Variants in VPS36 observed in about 807,000 individuals in gnomAD.
The protein encoded by VPS36 is vacuolar protein-sorting-associated protein 36.
VPS36 carries 31 observed loss-of-function variants against 63.5 expected under a neutral mutation model. The ratio of observed to expected loss-of-function variants is 0.49; its 90% CI spans 0.37 to 0.66. VPS36 has a LOEUF of 0.66. Among genes scored for constraint, VPS36 ranks in the 30% least tolerant of loss-of-function variants. The pLI is 0.00. For synonymous variants in VPS36, 138 were observed against 157.2 expected (o/e 0.88, Z 0.91); for missense variants, 338 against 463.7 (o/e 0.73, Z 2.49).
In VPS36 at chr13:52,419,291, C is replaced by A. The variant is rs141607730; in HGVS notation, c.841-1235G>T. On this transcript the variant is annotated intron_variant, in intron 10 of 13. Coordinates refer to ENST00000378060, the MANE Select transcript of VPS36 (RefSeq NM_016075.4). ...GCTGAAGAATAGCCACTGCTGATACCCAGCCAAAGGGGCAGGGCAGCTTTC... is the reference window on the plus strand; with the variant it reads ...GCTGAAGAATAGCCACTGCTGATACACAGCCAAAGGGGCAGGGCAGCTTTC... Among the ~76,000 whole-genome samples the A allele has an allele frequency of 7.4e-3, 1,123 of 152,310 alleles. 6 individuals are homozygous for A. Among genetic ancestry groups the A allele is most frequent in the African/African-American group, 0.017 (699 of 41,564 alleles).
At chr13:52,441,751 CA>C (rs1253607135) in intron 2 of VPS36, among the ~76,000 whole-genome samples, 12 of 150,482 alleles carry the variant, frequency 8.0e-5, no homozygotes, top group African/African-American at 2.9e-4. Flanking sequence ...GACTCCATCT[CA>C]AAAAAAAGGG....
intron 6 of VPS36, among the ~76,000 whole-genome samples, chr13:52,427,424 T>C (rs1242337691): frequency 1.3e-5 from 2 of 152,038 alleles, no homozygotes; most frequent in Admixed American, 6.6e-5. Context: ...GCTAACACGG[T>C]GAAACCCCGT....
chr13:52,444,025 G>GA (rs1958308701), intron 1 of VPS36, among the ~76,000 whole-genome samples: 1 of 152,000 alleles, frequency 6.6e-6, no homozygotes, highest in African/African-American at 2.4e-5. Flanking sequence ...TAATAAAAAA[G>GA]AAAAACAACA....
At chr13:52,449,893 T>C in intron 1 of VPS36, 8 of 983,676 alleles carry the variant, frequency 8.1e-6, no homozygotes, top group Non-Finnish European at 9.7e-6. Flanking sequence ...AAAAACCCAA[T>C]AGCCTTTGGC....
rs1241810642 is a variant in VPS36, at chr13:52,412,703, A to C, written c.*3127T>G. The C allele has an allele frequency of 6.6e-6, 1 of 152,362 alleles. No homozygotes were observed. The highest frequency in any genetic ancestry group is 1.9e-4 in the East Asian group (1 of 5,184). 9.4% of individuals were successfully genotyped at this position (152,362 alleles called of 1,614,324 possible). A position where few individuals can be genotyped will look rare whatever the true frequency, so the allele number is the denominator to read the frequency against. On this transcript the variant is annotated 3_prime_UTR_variant, in exon 14 of 14. Coordinates refer to ENST00000378060, the MANE Select transcript of VPS36 (RefSeq NM_016075.4). ...TAAATAGGAATATAGGTAGGAGTTC[A>C]TTCATTCAGTAAATATTTATTGAAT...
chr13:52,432,419 A>C lies in VPS36; in HGVS notation c.528+1243T>G, dbSNP rs114937110. Among the ~76,000 whole-genome samples the C allele has an allele frequency of 7.4e-3, 1,125 of 152,346 alleles. 6 individuals are homozygous for C. Among genetic ancestry groups the C allele is most frequent in the African/African-American group, 0.017 (701 of 41,584 alleles). ...TAGTCATCGTCAAAAGATAATAAGG[A>C]AACAATTTATTACCCTGATGATAAA... On this transcript the variant is annotated intron_variant, in intron 6 of 13. Coordinates refer to ENST00000378060, the MANE Select transcript of VPS36 (RefSeq NM_016075.4).
At chr13:52,430,556 C>T (rs572997027) in intron 6 of VPS36, among the ~76,000 whole-genome samples, 43 of 151,676 alleles carry the variant, frequency 2.8e-4, no homozygotes, top group African/African-American at 1.0e-3. Flanking sequence ...TGCTTGAACC[C>T]GGGAGGCAGA....
At chr13:52,434,227 G>A (rs1958190245) in intron 5 of VPS36, among the ~76,000 whole-genome samples, 4 of 152,178 alleles carry the variant, frequency 2.6e-5, no homozygotes, top group Admixed American at 6.5e-5. Context: ...ATGTCACACT[G>A]ATTATGAAGA....
intron 4 of VPS36, 36 bp downstream of exon 4, chr13:52,436,254 C>CACA (rs769081362): frequency 7.2e-4 from 968 of 1,345,644 alleles, no homozygotes; most frequent in Admixed American, 8.2e-4. Flanking sequence ...CACACACACA[C>CACA]CTTTCTAGTA....
At chr13:52,437,861 C>T (rs369197111) in intron 3 of VPS36, among the ~76,000 whole-genome samples, 1 of 151,540 alleles carries the variant, frequency 6.6e-6, no homozygotes, top group African/African-American at 2.4e-5. Flanking sequence ...ACCTGGGAGG[C>T]GGAGCTTGCA....
At chr13:52,425,116 G>T (rs1371970613) in intron 9 of VPS36, among the ~76,000 whole-genome samples, 2 of 151,710 alleles carry the variant, frequency 1.3e-5, no homozygotes, top group East Asian at 3.9e-4. Flanking sequence ...GGCGCAGTGG[G>T]GTGGCAGGCA....
At chr13:52,419,146 C>T (rs1594112116) in intron 10 of VPS36, among the ~76,000 whole-genome samples, 1 of 152,284 alleles carries the variant, frequency 6.6e-6, no homozygotes, top group African/African-American at 2.4e-5. Context: ...AAACACAGAG[C>T]AGGGGCTTAA....
Position 52,442,407 on chromosome 13 carries a change from G to C in VPS36, c.135C>G (p.His45Gln), listed in dbSNP as rs772613576. Residue 45 changes from histidine to glutamine, a missense_variant, in exon 2 of 14, where the codon CAC (histidine) becomes CAG (glutamine). His to Gln is a conservative substitution (Grantham distance 24, BLOSUM62 0). Transcript: ENST00000378060. ...TTTTCTGATCTCTCCAAATCAGTCGGTGTGTACTAAGAAGGAGAGTCCCAG... is the reference window on the plus strand; with the variant it reads ...TTTTCTGATCTCTCCAAATCAGTCGCTGTGTACTAAGAAGGAGAGTCCCAG... ...FDAGTLLLSTHRLIWRDQKNH... is the reference protein window; with the variant it reads ...FDAGTLLLSTQRLIWRDQKNH... 5 of 1,612,344 alleles carry C rather than the reference G, an allele frequency of 3.1e-6. No homozygotes were observed. In the South Asian group the frequency reaches 5.5e-5, roughly 18 times the overall value.
rs34529458 is a variant in VPS36, at chr13:52,445,939, C to CAAAA, written c.97-3498_97-3495dup. Reference sequence around the variant, plus strand: ...TGGGCGACAGAGAAAGACTCTATCTCAAAAAAAAAAAAAAAAAAAAAAAAA... The same window carrying CAAAA: ...TGGGCGACAGAGAAAGACTCTATCTCAAAAAAAAAAAAAAAAAAAAAAAAAAAAA... On this transcript the variant is annotated intron_variant, in intron 1 of 13. Coordinates refer to ENST00000378060, the MANE Select transcript of VPS36 (RefSeq NM_016075.4). Among the ~76,000 whole-genome samples, 15 of 15,364 alleles carry CAAAA rather than the reference C, an allele frequency of 9.8e-4. 3 individuals are homozygous for CAAAA. The highest frequency in any genetic ancestry group is 4.1e-3 in the Admixed American group (3 of 740). 10.1% of individuals were successfully genotyped at this position (15,364 alleles called of 152,430 possible).
rs189569944 is a variant in VPS36 at position 52,427,131 on chromosome 13, A to C, written c.561+56T>G. ...CCCAAAATGTCTGCTAACAAAATAT[A>C]TTTCAAAAACTGTATCATAATTGGT... On this transcript the variant is annotated intron_variant, in intron 7 of 13. Transcript: ENST00000378060. The C allele has an allele frequency of 8.2e-3, 13,222 of 1,605,646 alleles. 75 individuals carry two copies. Among genetic ancestry groups the C allele is most frequent in the Non-Finnish European group, 9.8e-3 (11,545 of 1,174,868 alleles).
intron 9 of VPS36, 69 bp from the exon 10 acceptor site, chr13:52,423,708 A>C: frequency 7.3e-7 from 1 of 1,376,082 alleles, no homozygotes; most frequent in South Asian, 1.3e-5. Flanking sequence ...TCTTAACAGA[A>C]ATCATAATCA....
At chr13:52,429,772 A>G (rs12870706) in intron 6 of VPS36, among the ~76,000 whole-genome samples, 28,622 of 152,206 alleles carry the variant, frequency 0.19, 3,269 homozygotes, top group South Asian at 0.3. Context: ...TATTTTCAAC[A>G]TAACATTGAG....
At chr13:52,433,997 A>T (rs1467844450) in intron 5 of VPS36, among the ~76,000 whole-genome samples, 1 of 152,206 alleles carries the variant, frequency 6.6e-6, no homozygotes, top group Non-Finnish European at 1.5e-5. Flanking sequence ...CATTTTAGAG[A>T]TAAGTTAAAT....
Position 52,415,687 on chromosome 13 carries a change from A to T in VPS36, c.*143T>A. 1.2e-6 allele frequency: 1 copy of T among 809,086 alleles called. No individual in the cohort carries two copies. The highest frequency in any genetic ancestry group is 2.0e-6 in the Non-Finnish European group (1 of 496,158). The allele number at this position is 809,086 out of a possible 1,614,324, so 50.1% of individuals were successfully genotyped here. A position where few individuals can be genotyped will look rare whatever the true frequency, so the allele number is the denominator to read the frequency against. On this transcript the variant is annotated 3_prime_UTR_variant, in exon 14 of 14. Transcript: ENST00000378060. ...TAAATAAATTTCCTGGACCATATTT[A>T]GTGAGAAATTAAAAGAGATTTACAT...
Sources: allele counts gnomAD v4.1 joint callset (sites outside exome capture counted in the v4.1 genomes callset), GRCh38; gene constraint gnomAD v4.1.1; transcripts MANE v1.5; gene names NCBI Gene and HGNC (gene_info 2026-07-23, HGNC 2026-07-21).